PLA2R1: variants seen among roughly 807,000 people sequenced by gnomAD.
PLA2R1 encodes the protein secretory phospholipase A2 receptor.
In PLA2R1, 158 loss-of-function variants were observed where a neutral mutation model predicts 195.9. The ratio of observed to expected loss-of-function variants is 0.81; its 90% CI spans 0.71 to 0.92. PLA2R1 has a LOEUF of 0.92. Ranked by LOEUF, PLA2R1 falls within the 40% of genes least tolerant of loss-of-function variation. PLA2R1 has a pLI of 0.00. For synonymous variants in PLA2R1, 586 were observed against 598.2 expected (o/e 0.98, Z 0.30); for missense variants, 1,626 against 1,764.6 (o/e 0.92, Z 1.41).
chr2:159,947,633 T>C, intron 25 of PLA2R1, 74 bp from the exon 26 acceptor site: 1 of 1,321,952 alleles, frequency 7.6e-7, no homozygotes, highest in Non-Finnish European at 1.1e-6. Context: ...TACATTACAT[T>C]CTATAAAAGA....
At chr2:159,962,352 T>C (rs564618373) in intron 20 of PLA2R1, among the ~76,000 whole-genome samples, 2 of 152,320 alleles carry the variant, frequency 1.3e-5, no homozygotes, top group Admixed American at 6.5e-5. Context: ...TCAGGCCAGT[T>C]AGAATGGCGA....
intron 27 of PLA2R1, chr2:159,946,297 AAAT>A: frequency 1.0e-6 from 1 of 985,476 alleles, no homozygotes; most frequent in Non-Finnish European, 1.2e-6. Context: ...ATACCAATTA[AAAT>A]AATTTTCTTC....
intron 17 of PLA2R1, among the ~76,000 whole-genome samples, chr2:159,971,222 T>C (rs1427655494): frequency 6.6e-6 from 1 of 152,154 alleles, no homozygotes; most frequent in Admixed American, 6.5e-5. Context: ...ATAAATTCTA[T>C]GTTAACAGAG....
At chr2:159,954,702 G>C (rs766054420) in intron 23 of PLA2R1, among the ~76,000 whole-genome samples, 1 of 152,058 alleles carries the variant, frequency 6.6e-6, no homozygotes, top group African/African-American at 2.4e-5. Context: ...CATTGACCCT[G>C]TTGGCTATTT....
In PLA2R1 at chr2:160,044,999, G is replaced by C; in HGVS notation, c.268C>G (p.Leu90Val). 1 of 1,614,132 alleles carries C rather than the reference G, an allele frequency of 6.2e-7. No homozygotes were observed. The highest frequency in any genetic ancestry group is 8.5e-7 in the Non-Finnish European group (1 of 1,179,968). Residue 90 changes from leucine to valine, a missense_variant, in exon 2 of 30, where the codon CTG becomes GTG. Coordinates refer to ENST00000283243, the MANE Select transcript of PLA2R1 (RefSeq NM_007366.5). ...GLFNIGGSGCLGLNFSAPEQP... is the reference protein window; with the variant it reads ...GLFNIGGSGCVGLNFSAPEQP... ...TCTGGGGCGGAGAAATTCAGGCCCA[G>C]GCAACCACTGCCTCCTATGTTAAAG...
chr2:160,039,418 G>C (rs1392039624), intron 3 of PLA2R1, among the ~76,000 whole-genome samples: 1 of 152,054 alleles, frequency 6.6e-6, no homozygotes, highest in East Asian at 1.9e-4. Flanking sequence ...TTCACCGCTA[G>C]TATATTTGTA....
intron 23 of PLA2R1, 110 bp downstream of exon 23, chr2:159,955,089 G>A (rs2105159731): frequency 2.6e-6 from 2 of 773,790 alleles, no homozygotes; most frequent in South Asian, 1.9e-5. Context: ...GCCTGACACT[G>A]TTAGCCAGGA....
At chr2:160,025,670 C>G (rs1204829612) in intron 6 of PLA2R1, among the ~76,000 whole-genome samples, 1 of 143,666 alleles carries the variant, frequency 7.0e-6, no homozygotes, top group African/African-American at 2.6e-5. Flanking sequence ...CACACACACA[C>G]ACAAATCACC....
intron 4 of PLA2R1, among the ~76,000 whole-genome samples, chr2:160,030,961 A>G (rs1189698864): frequency 6.6e-6 from 1 of 152,218 alleles, no homozygotes; most frequent in African/African-American, 2.4e-5. Flanking sequence ...CCTGGCAGTT[A>G]AGATAGATAA....
At chr2:159,979,164 T>G (rs1243869166) in intron 14 of PLA2R1, among the ~76,000 whole-genome samples, 1 of 152,186 alleles carries the variant, frequency 6.6e-6, no homozygotes, top group Non-Finnish European at 1.5e-5. Context: ...ATTTTTCATG[T>G]GCCGTAGGAT....
the PLA2R1 span, among the ~76,000 whole-genome samples, chr2:159,924,555 G>A: frequency 6.6e-6 from 1 of 152,214 alleles, no homozygotes; most frequent in Admixed American, 6.5e-5. Context: ...TATCAAGTAC[G>A]ATAGTCTTCA....
chr2:160,018,805 A>G (rs1394753283), intron 8 of PLA2R1, among the ~76,000 whole-genome samples: 1 of 152,276 alleles, frequency 6.6e-6, no homozygotes, highest in African/African-American at 2.4e-5. Context: ...TGTCTGTGCT[A>G]GCATTAAAAG....
chr2:159,949,271 G>A (rs979948823), intron 25 of PLA2R1, among the ~76,000 whole-genome samples: 1 of 151,890 alleles, frequency 6.6e-6, no homozygotes, highest in Admixed American at 6.6e-5. Flanking sequence ...TTTTCATCCA[G>A]CTTTTCTCCT....
chr2:159,984,043 T>C lies in PLA2R1; in HGVS notation c.2068A>G (p.Arg690Gly). Residue 690 changes from arginine (R) to glycine (G), a missense_variant, in exon 13 of 30, where the codon AGA becomes GGA. Transcript: ENST00000283243. ...AATGCTTCAGCTTCTCTCCATGTTC[T>C]TTTCATCAGAACTTTTTCACTATGA... ...VFHSEKVLMK[R>G]TWREAEAFCE... The C allele has an allele frequency of 6.3e-7, 1 of 1,578,326 alleles. No homozygotes were observed. The highest frequency in any genetic ancestry group is 8.7e-7 in the Non-Finnish European group (1 of 1,150,110).
chr2:159,956,565 A>G lies in PLA2R1; in HGVS notation c.2967T>C (p.His989=), dbSNP rs1560145115. ...GGGTCCCCCCTTCTTCAGCACAGAA[A>G]TGTTGAGCATGCGTCCAGTTCTTCC... ...SSWKNWTHAQ[H]FCAEEGGTLV... The change falls in exon 21 of 30, where the codon CAT becomes CAC. Residue 989 remains histidine (H), a synonymous_variant. Transcript: ENST00000283243. The G allele has an allele frequency of 1.2e-6, 2 of 1,613,946 alleles. No homozygotes were observed. The highest frequency in any genetic ancestry group is 1.7e-6 in the Non-Finnish European group (2 of 1,179,836).
At chr2:160,010,459 G>A (rs1692285962) in intron 10 of PLA2R1, among the ~76,000 whole-genome samples, 1 of 152,206 alleles carries the variant, frequency 6.6e-6, no homozygotes, top group African/African-American at 2.4e-5. Flanking sequence ...GCAGTTGCCT[G>A]ATCACAAAAG....
intron 9 of PLA2R1, among the ~76,000 whole-genome samples, chr2:160,014,928 T>A (rs1692624575): frequency 1.3e-5 from 2 of 152,300 alleles, no homozygotes; most frequent in South Asian, 4.1e-4. Context: ...AGGCTGGCAA[T>A]TTGACCTTTC....
Position 160,016,704 on chromosome 2 carries a change from GT to G in PLA2R1, c.1460del (p.His487ProfsTer64), listed in dbSNP as rs1264455378. ...TTTCTTCACAATTTTTGACTTTCCA[GT>G]GTCCCTCCTACGGAGAAAAATGTTA... ...LCVSAEQSEG[H>X]WKVKNCEERL... On this transcript the variant is annotated frameshift_variant, in exon 9 of 30. Coordinates refer to ENST00000283243, the MANE Select transcript of PLA2R1 (RefSeq NM_007366.5). LOFTEE classifies it high-confidence loss of function. 6.4e-7 allele frequency: 1 copy of G among 1,561,546 alleles called. No homozygotes were observed. Among genetic ancestry groups the G allele is most frequent in the Non-Finnish European group, 8.8e-7 (1 of 1,132,274 alleles).
intron 20 of PLA2R1, among the ~76,000 whole-genome samples, chr2:159,966,762 A>G (rs1345662536): frequency 6.6e-6 from 1 of 152,140 alleles, no homozygotes; most frequent in Non-Finnish European, 1.5e-5. Flanking sequence ...ATGATGACAC[A>G]GTTTGGGTTT....
Sources: gnomAD v4.1 joint callset for allele counts (sites outside exome capture counted in the v4.1 genomes callset) on GRCh38, gnomAD v4.1.1 for gene constraint, MANE v1.5 for transcripts, NCBI Gene and HGNC (gene_info 2026-07-23, HGNC 2026-07-21) for gene names.